ASAP1: variants seen among roughly 807,000 people sequenced by gnomAD.
ASAP1 encodes arf-GAP with SH3 domain, ANK repeat and PH domain-containing protein 1.
ASAP1 carries 43 observed loss-of-function variants against 145.2 expected under a neutral mutation model. That is an observed-to-expected ratio of 0.30 (90% CI 0.23 to 0.38). The LOEUF (loss-of-function observed/expected upper bound fraction) is 0.38, where lower values mean the gene tolerates loss of function less well. Ranked by LOEUF, ASAP1 falls within the 10% of genes least tolerant of loss-of-function variation. ASAP1 has a pLI of 1.00. For missense variants in ASAP1, 1,018 were observed against 1,355.3 expected (o/e 0.75, Z 3.91); for synonymous variants, 546 against 515.5 (o/e 1.06, Z -0.80).
intron 1 of ASAP1, among the ~76,000 whole-genome samples, chr8:130,413,408 C>T (rs566096842): frequency 6.6e-6 from 1 of 152,330 alleles, no homozygotes; most frequent in East Asian, 1.9e-4. Context: ...CACATTTTCA[C>T]ATTTTAGCAT....
chr8:130,219,312 G>C (rs115205436), intron 4 of ASAP1, among the ~76,000 whole-genome samples: 2,250 of 150,910 alleles, frequency 0.015, 30 homozygotes, highest in African/African-American at 0.038. Context: ...TTACCCAGCA[G>C]ACTTTCAACA....
At chr8:130,280,161 A>G (rs1821169689) in intron 3 of ASAP1, among the ~76,000 whole-genome samples, 1 of 152,240 alleles carries the variant, frequency 6.6e-6, no homozygotes, top group Non-Finnish European at 1.5e-5. Context: ...GCCAGTAAGT[A>G]GCCCAGCTGG....
At chr8:130,248,633 T>G (rs1819003418) in intron 3 of ASAP1, among the ~76,000 whole-genome samples, 1 of 152,012 alleles carries the variant, frequency 6.6e-6, no homozygotes, top group South Asian at 2.1e-4. Flanking sequence ...CTGGCTGTTG[T>G]GGTGGAAATG....
intron 23 of ASAP1, 80 bp downstream of exon 23, chr8:130,115,548 C>T (rs2097554120): frequency 1.8e-6 from 2 of 1,104,794 alleles, no homozygotes; most frequent in Admixed American, 3.8e-5. Flanking sequence ...CAATCAATCT[C>T]ACCAAAAATG....
intron 3 of ASAP1, among the ~76,000 whole-genome samples, chr8:130,348,950 A>C (rs1407229460): frequency 6.6e-6 from 1 of 152,240 alleles, no homozygotes; most frequent in Non-Finnish European, 1.5e-5. Flanking sequence ...CAGAAGGGGC[A>C]GCTTTCACAC....
At chr8:130,379,324 G>C (rs1286650404) in intron 2 of ASAP1, among the ~76,000 whole-genome samples, 1 of 152,156 alleles carries the variant, frequency 6.6e-6, no homozygotes, top group East Asian at 1.9e-4. Context: ...GTAATAGTAA[G>C]TATTTTCCTG....
intron 8 of ASAP1, among the ~76,000 whole-genome samples, chr8:130,180,437 C>T (rs112743882): frequency 8.9e-4 from 136 of 152,298 alleles, no homozygotes; most frequent in African/African-American, 3.2e-3. Context: ...ACCAATAAAA[C>T]TTAATATTCA....
intron 25 of ASAP1, among the ~76,000 whole-genome samples, chr8:130,087,665 G>A (rs1439378670): frequency 2.0e-5 from 3 of 152,212 alleles, no homozygotes; most frequent in Admixed American, 6.5e-5. Flanking sequence ...GAGTGGTGGT[G>A]TGAACAGGTG....
At chr8:130,223,217 C>T (rs75371577) in intron 4 of ASAP1, among the ~76,000 whole-genome samples, 3,079 of 152,284 alleles carry the variant, frequency 0.02, 101 homozygotes, top group African/African-American at 0.069. Flanking sequence ...TTCCAAACCA[C>T]AACCAAGCAC....
intron 13 of ASAP1, among the ~76,000 whole-genome samples, chr8:130,146,905 T>C (rs953233433): frequency 3.9e-5 from 6 of 152,080 alleles, no homozygotes; most frequent in South Asian, 2.1e-4. Context: ...TAAAGTACAC[T>C]GAGTAGTAAT....
intron 3 of ASAP1, among the ~76,000 whole-genome samples, chr8:130,286,553 A>C (rs1821625569): frequency 6.6e-6 from 1 of 152,164 alleles, no homozygotes; most frequent in Non-Finnish European, 1.5e-5. Context: ...CAACTTACTT[A>C]ATACTTGTAT....
At chr8:130,192,635 A>G (rs1332222363) in intron 5 of ASAP1, among the ~76,000 whole-genome samples, 2 of 152,150 alleles carry the variant, frequency 1.3e-5, no homozygotes, top group Non-Finnish European at 2.9e-5. Context: ...GCCATTGCCT[A>G]CTTTTCCTCT....
At chr8:130,290,712 C>T (rs1821892825) in intron 3 of ASAP1, among the ~76,000 whole-genome samples, 1 of 152,226 alleles carries the variant, frequency 6.6e-6, no homozygotes, top group African/African-American at 2.4e-5. Context: ...TGAACTTTAT[C>T]TGTGGACTAT....
At chr8:130,192,370 A>C (rs937290793) in intron 5 of ASAP1, among the ~76,000 whole-genome samples, 1 of 152,074 alleles carries the variant, frequency 6.6e-6, no homozygotes, top group East Asian at 1.9e-4. Context: ...GCTCTTGGGG[A>C]AAAGGAGGAA....
intron 4 of ASAP1, among the ~76,000 whole-genome samples, chr8:130,230,514 C>G (rs1426101): frequency 6.6e-6 from 1 of 151,742 alleles, no homozygotes; most frequent in African/African-American, 2.4e-5. Flanking sequence ...GGGAAAAAAA[C>G]CCCTTCCTTG....
rs1024305869 is a variant in ASAP1 at position 130,214,482 on chromosome 8, T to C, written c.405+74A>G. On this transcript the variant is annotated intron_variant, in intron 5 of 29. Transcript: ENST00000518721. ...ACCAAGGATTGAGGGGGAAGGATTA[T>C]TGAAATGTTCTCTATATGACGTAAT... The C allele has an allele frequency of 3.0e-5, 41 of 1,367,720 alleles. 1 individual carries two copies. Among genetic ancestry groups the C allele is most frequent in the Middle Eastern group, 3.8e-4 (2 of 5,220 alleles). 84.7% of individuals were successfully genotyped at this position (1,367,720 alleles called of 1,614,324 possible).
intron 2 of ASAP1, among the ~76,000 whole-genome samples, chr8:130,389,457 G>T (rs1405350329): frequency 6.6e-6 from 1 of 152,214 alleles, no homozygotes; most frequent in Non-Finnish European, 1.5e-5. Flanking sequence ...GTTCTGGCAT[G>T]TTTATAGGTA....
intron 3 of ASAP1, among the ~76,000 whole-genome samples, chr8:130,256,759 A>ATATATATATATATCCT (rs1295167815): frequency 5.2e-5 from 5 of 95,728 alleles, no homozygotes; most frequent in Admixed American, 9.5e-5. Context: ...ATATATATAT[A>ATATATATATATATCCT]TATATATATA....
At chr8:130,179,544 A>T in intron 8 of ASAP1, among the ~76,000 whole-genome samples, 195 bp from the exon 9 acceptor site, 1 of 152,176 alleles carries the variant, frequency 6.6e-6, no homozygotes, top group East Asian at 1.9e-4. Context: ...AGCATTTTAT[A>T]AATTATTTTA....
Sources: allele counts gnomAD v4.1 joint callset (sites outside exome capture counted in the v4.1 genomes callset), GRCh38; gene constraint gnomAD v4.1.1; transcripts MANE v1.5; gene names NCBI Gene and HGNC (gene_info 2026-07-23, HGNC 2026-07-21).